TIAM2: variants seen among roughly 807,000 people sequenced by gnomAD.
TIAM2 encodes the protein rho guanine nucleotide exchange factor TIAM2.
Under a neutral mutation model 152.9 loss-of-function variants are expected in TIAM2, and 80 were observed. The observed-to-expected ratio is 0.52, with a 90% CI of 0.44 to 0.63. The LOEUF is 0.63. Among genes scored for constraint, TIAM2 ranks in the 30% least tolerant of loss-of-function variants. TIAM2 has a pLI of 0.00. For synonymous variants in TIAM2, 804 were observed against 838.0 expected (o/e 0.96, Z 0.70); for missense variants, 1,965 against 2,120.1 (o/e 0.93, Z 1.44).
intron 18 of TIAM2, 86 bp from the exon 19 acceptor site, chr6:155,245,537 C>A: frequency 9.0e-7 from 1 of 1,116,948 alleles, no homozygotes. Flanking sequence ...TGGAATCTGA[C>A]AGAAGCCATG....
intron 14 of TIAM2, among the ~76,000 whole-genome samples, chr6:155,191,824 G>T (rs1482178490): frequency 6.6e-6 from 1 of 151,744 alleles, no homozygotes. Context: ...AAAAAAAATT[G>T]GGGAAAATAA....
intron 1 of TIAM2, among the ~76,000 whole-genome samples, chr6:155,088,051 T>TC: frequency 6.7e-6 from 1 of 148,168 alleles, no homozygotes; most frequent in Admixed American, 6.7e-5. Flanking sequence ...TTTCTTTCTT[T>TC]CTTTTTTTTT....
chr6:155,005,168 C>G (rs1778377586), intron 1 of TIAM2: 1 of 228,576 alleles, frequency 4.4e-6, no homozygotes, highest in African/African-American at 2.3e-5. Flanking sequence ...AGCTCATCAG[C>G]AGCTTGTCCC....
intron 14 of TIAM2, among the ~76,000 whole-genome samples, chr6:155,195,231 G>A (rs937976387): frequency 1.3e-5 from 2 of 152,156 alleles, no homozygotes; most frequent in African/African-American, 4.8e-5. Context: ...GATTGAATCC[G>A]GGTGCAAATA....
At position 155,082,666 on chromosome 6, in the gene TIAM2, C is replaced by CAATCAATAAATA. The variant is rs1554228916; in HGVS notation, c.-208-7620_-208-7619insCAATAAATAAAT. On this transcript the variant is annotated intron_variant, in intron 1 of 26. Transcript: ENST00000682666. The stretch of plus-strand genomic sequence containing the variant: ...ACTCCATCTCAACCCAAAAAAACCC[C>CAATCAATAAATA]AATAAATAAATAAATAAATAAATAA... Among the ~76,000 whole-genome samples, 4 of 141,376 alleles carry CAATCAATAAATA rather than the reference C, an allele frequency of 2.8e-5. No homozygotes were observed. The East Asian group carries it at 8.6e-4, about 31-fold the overall frequency. The allele number at this position is 141,376 out of a possible 152,430, so 92.7% of individuals were successfully genotyped here.
rs1385334377 is a variant in TIAM2, at chr6:155,028,213, CTG to C, written c.-209+32725_-209+32726del. On this transcript the variant is annotated intron_variant, in intron 1 of 26. Transcript: ENST00000682666. The stretch of plus-strand genomic sequence containing the variant: ...ATATATACTACATATAATATATGTA[CTG>C]TGTTACATATATACTACATATAATA... Among the ~76,000 whole-genome samples the C allele has an allele frequency of 2.9e-3, 350 of 121,092 alleles. 9 individuals are homozygous for C. The highest frequency in any genetic ancestry group is 4.2e-3 in the Non-Finnish European group (243 of 58,004). The allele number at this position is 121,092 out of a possible 152,430, so 79.4% of individuals were successfully genotyped here. A position where few individuals can be genotyped will look rare whatever the true frequency, so the allele number is the denominator to read the frequency against.
At chr6:155,204,332 TACC>T (rs1173153847) in intron 14 of TIAM2, among the ~76,000 whole-genome samples, 1 of 152,108 alleles carries the variant, frequency 6.6e-6, no homozygotes, top group Non-Finnish European at 1.5e-5. Context: ...CTGATGGTCA[TACC>T]ACCAAGACAC....
intron 14 of TIAM2, among the ~76,000 whole-genome samples, chr6:155,187,824 C>T (rs6940661): frequency 0.088 from 13,356 of 151,902 alleles, 806 homozygotes; most frequent in African/African-American, 0.17. Flanking sequence ...GTGATCTGCC[C>T]GCCTCGACCT....
chr6:154,998,447 G>A (rs1778258102), intron 1 of TIAM2, among the ~76,000 whole-genome samples: 1 of 152,150 alleles, frequency 6.6e-6, no homozygotes, highest in Non-Finnish European at 1.5e-5. Flanking sequence ...CATGAAAAAT[G>A]CAGTTTTCAT....
chr6:155,084,391 G>C (rs966775176), intron 1 of TIAM2, among the ~76,000 whole-genome samples: 1 of 152,196 alleles, frequency 6.6e-6, no homozygotes, highest in Non-Finnish European at 1.5e-5. Flanking sequence ...AATACTTCTT[G>C]AATTGAATGT....
At chr6:155,015,787 A>G (rs958049757) in intron 1 of TIAM2, among the ~76,000 whole-genome samples, 6 of 151,830 alleles carry the variant, frequency 4.0e-5, no homozygotes, top group Admixed American at 1.3e-4. Flanking sequence ...AAATACAAGA[A>G]TTAGCTGGGC....
chr6:155,225,972 A>G lies in TIAM2; in HGVS notation c.3169-14558A>G, dbSNP rs1427924004. Among the ~76,000 whole-genome samples, 3 of 152,230 alleles carry G rather than the reference A, an allele frequency of 2.0e-5. No homozygotes were observed. In the East Asian group the frequency reaches 5.8e-4, roughly 29 times the overall value. ...CCTTGGCAGTACCCCTGCTTAATTAAGGTTGCCAGGATATTAACATGTAAT... is the reference window on the plus strand; with the variant it reads ...CCTTGGCAGTACCCCTGCTTAATTAGGGTTGCCAGGATATTAACATGTAAT... On this transcript the variant is annotated intron_variant, in intron 15 of 26. Coordinates refer to ENST00000682666, the MANE Select transcript of TIAM2 (RefSeq NM_012454.4).
chr6:155,212,580 G>C (rs1781747803), intron 15 of TIAM2, among the ~76,000 whole-genome samples: 1 of 152,240 alleles, frequency 6.6e-6, no homozygotes, highest in Admixed American at 6.5e-5. Flanking sequence ...CGATGGCTCG[G>C]TTGGGTTTAG....
At chr6:155,137,018 G>C (rs1357596844) in intron 4 of TIAM2, among the ~76,000 whole-genome samples, 159 bp from the exon 5 acceptor site, 1 of 152,136 alleles carries the variant, frequency 6.6e-6, no homozygotes, top group East Asian at 1.9e-4. Context: ...AATTCTTTCT[G>C]GTATGAAGAC....
intron 1 of TIAM2, among the ~76,000 whole-genome samples, chr6:155,002,279 CAT>C (rs1778326613): frequency 6.6e-6 from 1 of 152,100 alleles, no homozygotes; most frequent in Non-Finnish European, 1.5e-5. Context: ...GGCATAGTGG[CAT>C]ATGCCTGTAG....
chr6:155,200,261 T>A (rs973955648), intron 14 of TIAM2, among the ~76,000 whole-genome samples: 4 of 152,184 alleles, frequency 2.6e-5, no homozygotes, highest in African/African-American at 4.8e-5. Flanking sequence ...AAAGGTCAGT[T>A]ATTTACAGTC....
chr6:155,150,208 G>A (rs1209237311), intron 7 of TIAM2, among the ~76,000 whole-genome samples: 1 of 152,008 alleles, frequency 6.6e-6, no homozygotes, highest in African/African-American at 2.4e-5. Flanking sequence ...AGATGCACCT[G>A]GCTTAAAGAA....
chr6:155,162,650 C>A (rs1233272633), intron 7 of TIAM2, among the ~76,000 whole-genome samples: 2 of 152,190 alleles, frequency 1.3e-5, no homozygotes, highest in African/African-American at 4.8e-5. Flanking sequence ...GCACCAGAAT[C>A]CCAGAAGGTG....
intron 1 of TIAM2, among the ~76,000 whole-genome samples, chr6:155,068,503 T>C (rs2114949464): frequency 6.6e-6 from 1 of 152,126 alleles, no homozygotes; most frequent in South Asian, 2.1e-4. Context: ...TGGCACGATC[T>C]TGTCCCACTG....
Sources: allele counts gnomAD v4.1 joint callset (sites outside exome capture counted in the v4.1 genomes callset), GRCh38; gene constraint gnomAD v4.1.1; transcripts MANE v1.5; gene names NCBI Gene and HGNC (gene_info 2026-07-23, HGNC 2026-07-21).